The following MRTFA variants were observed in gnomAD, a reference collection of about 807,000 sequenced individuals.
The protein encoded by MRTFA is myocardin-related transcription factor A.
In MRTFA, 20 loss-of-function variants were observed where a neutral mutation model predicts 83.5. The observed-to-expected ratio is 0.24, with a 90% CI of 0.17 to 0.35. The LOEUF (loss-of-function observed/expected upper bound fraction) is 0.35. Ranked by LOEUF, MRTFA falls within the 10% of genes least tolerant of loss-of-function variation. The probability of loss-of-function intolerance (pLI) is 1.00; values close to 1 mark genes in which losing one functional copy is unlikely to be tolerated. For synonymous variants in MRTFA, 659 were observed against 541.2 expected (o/e 1.22, Z -3.02); for missense variants, 1,200 against 1,224.7 (o/e 0.98, Z 0.30).
intron 7 of MRTFA, chr22:40,429,395 G>A: frequency 1.4e-6 from 1 of 695,200 alleles, no homozygotes; most frequent in East Asian, 2.7e-5. Flanking sequence ...ATTGTTGTAT[G>A]TCCCTGTTTC....
chr22:40,412,669 CAGAA>C (rs1261249795), intron 14 of MRTFA: 2 of 152,158 alleles, frequency 1.3e-5, no homozygotes, highest in African/African-American at 4.8e-5. Context: ...ATCATAGAGA[CAGAA>C]AGTAGAATGG....
At chr22:40,566,315 G>C (rs1285464944) in intron 2 of MRTFA, among the ~76,000 whole-genome samples, 1 of 151,762 alleles carries the variant, frequency 6.6e-6, no homozygotes, top group African/African-American at 2.4e-5. Context: ...CCACCTCTTG[G>C]GTTCAAGCAA....
At chr22:40,602,246 T>C (rs1322806635) in intron 1 of MRTFA, among the ~76,000 whole-genome samples, 1 of 152,208 alleles carries the variant, frequency 6.6e-6, no homozygotes, top group Non-Finnish European at 1.5e-5. Flanking sequence ...ATTTTCCAAG[T>C]GACCATGTGC....
intron 13 of MRTFA, 110 bp downstream of exon 13, chr22:40,417,231 G>T: frequency 6.7e-7 from 1 of 1,482,120 alleles, no homozygotes; most frequent in African/African-American, 1.4e-5. Context: ...CTCTGACCCT[G>T]AAGCTGGGCT....
intron 3 of MRTFA, among the ~76,000 whole-genome samples, chr22:40,530,437 C>A (rs1646698522): frequency 6.6e-6 from 1 of 152,240 alleles, no homozygotes; most frequent in Non-Finnish European, 1.5e-5. Context: ...GCTGGGACTA[C>A]AGACATGCAC....
chr22:40,420,541 G>A lies in MRTFA; in HGVS notation c.1217C>T (p.Pro406Leu). The stretch of plus-strand genomic sequence containing the variant: ...GGTAGTGGAGAGGCTGCGTACTGGG[G>A]GGGTCCCGCTGCTTCCCAGGGCCTC... The change falls in exon 11 of 15, where the codon CCC (proline) becomes CTC (leucine). Residue 406 changes from proline (P) to leucine (L), a missense_variant. By Grantham distance (98) the Pro-to-Leu change is moderately conservative. Around this residue, in one of 2 missense-constraint regions of MRTFA, gnomAD observed 1,107 missense variants for 1,041.8 expected, o/e 1.06. Coordinates refer to ENST00000355630, the MANE Select transcript of MRTFA (RefSeq NM_020831.6). 6.2e-7 allele frequency: 1 copy of A among 1,613,656 alleles called. No individual in the cohort carries two copies. The highest frequency in any genetic ancestry group is 1.1e-5 in the South Asian group (1 of 91,080).
At chr22:40,443,149 G>A (rs956260161) in intron 4 of MRTFA, among the ~76,000 whole-genome samples, 7 of 152,108 alleles carry the variant, frequency 4.6e-5, no homozygotes, top group African/African-American at 1.7e-4. Context: ...CTCCTCAGGA[G>A]GCTGAGGCAG....
At chr22:40,533,507 C>G in intron 3 of MRTFA, 1 of 784,492 alleles carries the variant, frequency 1.3e-6, no homozygotes, top group Non-Finnish European at 1.7e-6. Flanking sequence ...AAATATGACC[C>G]ATTTTTTTTA....
intron 1 of MRTFA, among the ~76,000 whole-genome samples, chr22:40,605,686 CA>C (rs1417988535): frequency 6.6e-6 from 1 of 152,156 alleles, no homozygotes; most frequent in African/African-American, 2.4e-5. Context: ...ATCAAAACAT[CA>C]AAACTGATTT....
At chr22:40,448,967 ATCTGCCATTAACTC>A (rs1439106722) in intron 4 of MRTFA, among the ~76,000 whole-genome samples, 1 of 152,166 alleles carries the variant, frequency 6.6e-6, no homozygotes, top group Non-Finnish European at 1.5e-5. Flanking sequence ...TGTCTTAGAA[ATCTGCCATTAACTC>A]TCAGCCGGGC....
At chr22:40,468,037 T>C (rs1761366849) in intron 3 of MRTFA, among the ~76,000 whole-genome samples, 1 of 152,116 alleles carries the variant, frequency 6.6e-6, no homozygotes, top group Non-Finnish European at 1.5e-5. Context: ...ATGGAAATAA[T>C]CAAGTTTTTT....
rs147989653 is a variant in MRTFA, at chr22:40,449,574, A to G, written c.307+13647T>C. Among the ~76,000 whole-genome samples the G allele has an allele frequency of 1.7e-4, 26 of 152,340 alleles. No homozygotes were observed. In the East Asian group the frequency reaches 2.1e-3, roughly 12 times the overall value. On this transcript the variant is annotated intron_variant, in intron 4 of 14. Coordinates refer to ENST00000355630, the MANE Select transcript of MRTFA (RefSeq NM_020831.6). ...CTCTTTGGGTAATGCTAAAGCCACT[A>G]AATTCGGAAAACATTGCTTCCCTAA...
intron 1 of MRTFA, 120 bp from the exon 2 acceptor site, chr22:40,594,855 C>T (rs2056168146): frequency 6.9e-6 from 1 of 145,348 alleles, no homozygotes; most frequent in Non-Finnish European, 1.5e-5. Context: ...CCTCTCCATG[C>T]ACACAACAGT....
intron 7 of MRTFA, 184 bp downstream of exon 7, chr22:40,429,422 T>C: frequency 1.4e-6 from 1 of 731,400 alleles, no homozygotes; most frequent in Non-Finnish European, 2.5e-6. Flanking sequence ...CAACAGGCAC[T>C]ATCCCAAGTT....
At chr22:40,533,940 C>A in intron 3 of MRTFA, 2 of 280,118 alleles carry the variant, frequency 7.1e-6, no homozygotes, top group Non-Finnish European at 1.3e-5. Context: ...AGGGGAGAGA[C>A]ATATATAAAG....
intron 2 of MRTFA, among the ~76,000 whole-genome samples, chr22:40,561,077 T>C (rs1362110326): frequency 6.6e-6 from 1 of 152,118 alleles, no homozygotes; most frequent in African/African-American, 2.4e-5. Flanking sequence ...GCTGGACATA[T>C]TTTTACTTTA....
chr22:40,414,754 T>C (rs941072421), intron 14 of MRTFA, among the ~76,000 whole-genome samples: 14 of 152,188 alleles, frequency 9.2e-5, no homozygotes, highest in Non-Finnish European at 1.5e-5. Context: ...TACAGTTTCC[T>C]TATGGGGTGA....
At chr22:40,544,502 T>C (rs779765803) in intron 3 of MRTFA, among the ~76,000 whole-genome samples, 1 of 152,160 alleles carries the variant, frequency 6.6e-6, no homozygotes, top group Non-Finnish European at 1.5e-5. Context: ...ACTGGGATTA[T>C]AGGCATGAGA....
intron 3 of MRTFA, among the ~76,000 whole-genome samples, chr22:40,480,802 G>A (rs578080845): frequency 1.4e-5 from 2 of 142,078 alleles, no homozygotes; most frequent in East Asian, 4.1e-4. Context: ...AGGCTGGAGT[G>A]CAGTGGCGCG....
Sources: allele counts gnomAD v4.1 joint callset (sites outside exome capture counted in the v4.1 genomes callset), GRCh38; gene constraint gnomAD v4.1.1; regional missense constraint gnomAD v4.1.1; transcripts MANE v1.5; gene names NCBI Gene and HGNC (gene_info 2026-07-23, HGNC 2026-07-21).